The following PLCXD1 variants were observed in gnomAD, a reference collection of about 807,000 sequenced individuals.
PLCXD1 encodes the protein PI-PLC X domain-containing protein 1.
A neutral mutation model predicts 37.8 loss-of-function variants in PLCXD1; 45 were observed. That is an observed-to-expected ratio of 1.19 (90% CI 0.94 to 1.53). The LOEUF (loss-of-function observed/expected upper bound fraction) is 1.53, where lower values mean the gene tolerates loss of function less well. Ranked by LOEUF, PLCXD1 falls within the 40% of genes most tolerant of loss-of-function variation. PLCXD1 has a pLI of 0.00. For synonymous variants in PLCXD1, 246 were observed against 206.9 expected, an observed-to-expected ratio of 1.19 and a Z score of -1.62; for missense variants, 539 against 454.7, an observed-to-expected ratio of 1.19 and a Z score of -1.69.
At chrX:289,128 C>A (rs1243745147) in intron 3 of PLCXD1, among the ~76,000 whole-genome samples, 1 of 152,156 alleles carries the variant, frequency 6.6e-6, no homozygotes, top group East Asian at 1.9e-4. Context: ...ACTCTTCTTA[C>A]CCGGGCTGGA....
rs1355341200 is a variant in PLCXD1 at position 292,543 on chromosome X, A to G, written c.550-492A>G. Among the ~76,000 whole-genome samples, 4 of 152,238 alleles carry G rather than the reference A, an allele frequency of 2.6e-5. No homozygotes were observed. The East Asian group carries it at 7.7e-4, about 29-fold the overall frequency. ...GCCCAGGCTCGAATTCCTGGCCTCGAGTGATCCTCCCGCCGTGTCCTCCCA... is the reference window on the plus strand; with the variant it reads ...GCCCAGGCTCGAATTCCTGGCCTCGGGTGATCCTCCCGCCGTGTCCTCCCA... On this transcript the variant is annotated intron_variant, in intron 5 of 6. Coordinates refer to ENST00000381657, the MANE Select transcript of PLCXD1 (RefSeq NM_018390.4).
Position 288,743 on chromosome X carries a change from C to T in PLCXD1, c.138C>T (p.Asp46=), listed in dbSNP as rs745525089. The stretch of plus-strand genomic sequence containing the variant: ...GTGCTTTGCTCTCAGGGAGCCACGA[C>T]ACGATGACGTACTGCCTGAACAAGA... ...LHHLSIPGSH[D]TMTYCLNKKS... Residue 46 remains aspartate (D), a synonymous_variant, in exon 3 of 7, where the codon GAC becomes GAT. Coordinates refer to ENST00000381657, the MANE Select transcript of PLCXD1 (RefSeq NM_018390.4). 5 of 1,613,772 alleles carry T rather than the reference C, an allele frequency of 3.1e-6. No homozygotes were observed. In the East Asian group the frequency reaches 8.9e-5, roughly 29 times the overall value.
chrX:298,897 G>T (rs1380919205), intron 6 of PLCXD1, among the ~76,000 whole-genome samples, 200 bp from the exon 7 acceptor site: 1 of 152,104 alleles, frequency 6.6e-6, no homozygotes. Flanking sequence ...TCTCCCACAC[G>T]GTGTTACGAC....
chrX:289,510 C>CTTTTTTTT (rs1281823641), intron 3 of PLCXD1, among the ~76,000 whole-genome samples: 15 of 97,782 alleles, frequency 1.5e-4, no homozygotes, highest in South Asian at 2.6e-4. Context: ...CTTTTTCTTT[C>CTTTTTTTT]TTTTTCTTTT....
chrX:280,078 A>G (rs1434156995), upstream of PLCXD1, among the ~76,000 whole-genome samples: 2 of 152,084 alleles, frequency 1.3e-5, no homozygotes, highest in Non-Finnish European at 2.9e-5. Flanking sequence ...CGAACTCCTG[A>G]CCTCAGGTGA....
At chrX:292,933 T>C in intron 5 of PLCXD1, 102 bp from the exon 6 acceptor site, 1 of 764,864 alleles carries the variant, frequency 1.3e-6, no homozygotes, top group Admixed American at 2.7e-5. Flanking sequence ...TTTTGGTTTA[T>C]ACTCGTGTTG....
intron 4 of PLCXD1, among the ~76,000 whole-genome samples, chrX:291,002 G>A (rs1362477258): frequency 2.0e-5 from 3 of 150,752 alleles, no homozygotes; most frequent in Non-Finnish European, 4.4e-5. Context: ...GGGACGGCGG[G>A]AGGTGGCCAA....
At position 285,302 on chromosome X, in the gene PLCXD1, A is replaced by G. The variant is rs763787728; in HGVS notation, c.127+988A>G. Among the ~76,000 whole-genome samples, 4 of 152,232 alleles carry G rather than the reference A, an allele frequency of 2.6e-5. No individual in the cohort carries two copies. In the East Asian group the frequency reaches 7.7e-4, roughly 29 times the overall value. ...CTCATACACACATGGATGCACATAC[A>G]CATGCATGCACATGTGCGGGTGTGT... On this transcript the variant is annotated intron_variant, in intron 2 of 6. Coordinates refer to ENST00000381657, the MANE Select transcript of PLCXD1 (RefSeq NM_018390.4).
At chrX:287,191 G>A (rs28669292) in intron 2 of PLCXD1, among the ~76,000 whole-genome samples, 5,691 of 148,970 alleles carry the variant, frequency 0.038, 279 homozygotes, top group African/African-American at 0.12. Flanking sequence ...ACATTTATAT[G>A]TAAGTGTACA....
rs915874435 is a variant in PLCXD1 at position 301,769 on chromosome X, G to A, written c.*2434G>A. Reference sequence around the variant, plus strand: ...GCCTCCTGAGTAGCTGGGATTACAGGCGCCCGCCACCGCGCCTGGCTAACT... The same window carrying A: ...GCCTCCTGAGTAGCTGGGATTACAGACGCCCGCCACCGCGCCTGGCTAACT... On this transcript the variant is annotated 3_prime_UTR_variant, in exon 7 of 7. Coordinates refer to ENST00000381657, the MANE Select transcript of PLCXD1 (RefSeq NM_018390.4). 2.0e-5 allele frequency: 3 copies of A among 152,288 alleles called. No homozygotes were observed. The highest frequency in any genetic ancestry group is 7.2e-5 in the African/African-American group (3 of 41,442). 9.4% of individuals were successfully genotyped at this position (152,288 alleles called of 1,614,324 possible).
At chrX:277,309 T>C (rs1377366173), upstream of PLCXD1, among the ~76,000 whole-genome samples, 1 of 37,964 alleles carries the variant, frequency 2.6e-5, no homozygotes, top group African/African-American at 6.6e-5. Flanking sequence ...CCCTCAGTGG[T>C]CAGGGGACCT....
At chrX:283,878 CT>C (rs113086591) in intron 1 of PLCXD1, 98,445 of 191,682 alleles carry the variant, frequency 0.51, 24,512 homozygotes, top group African/African-American at 0.66. Context: ...CTCTCTCTCT[CT>C]TTTTTTTTTT....
chrX:279,848 G>A (rs1426162872), upstream of PLCXD1, among the ~76,000 whole-genome samples: 1 of 152,042 alleles, frequency 6.6e-6, no homozygotes, highest in Non-Finnish European at 1.5e-5. Context: ...AGGATGTGGA[G>A]ACGAAGGTTT....
intron 2 of PLCXD1, 98 bp from the exon 3 acceptor site, chrX:288,635 G>A: frequency 7.5e-7 from 1 of 1,327,084 alleles, no homozygotes; most frequent in Admixed American, 1.7e-5. Flanking sequence ...GCTGTGGGCG[G>A]GCAGCAGCCT....
intron 6 of PLCXD1, among the ~76,000 whole-genome samples, chrX:293,620 C>T (rs2069709225): frequency 6.6e-6 from 1 of 152,182 alleles, no homozygotes; most frequent in Non-Finnish European, 1.5e-5. Context: ...AGGGAGAAAG[C>T]AGTCCATGTA....
intron 5 of PLCXD1, 38 bp from the exon 6 acceptor site, chrX:292,997 C>T: frequency 6.7e-7 from 1 of 1,499,146 alleles, no homozygotes; most frequent in Non-Finnish European, 9.1e-7. Flanking sequence ...CCCGGCTCTC[C>T]TCTCTCCCCT....
rs2070001126 is a variant in PLCXD1, at chrX:300,996, C to A, written c.*1661C>A. ...GGGATGACAGGCATGAGCCACTGTG[C>A]CCAGCCGCCGATATTTCTTTAAATT... On this transcript the variant is annotated 3_prime_UTR_variant, in exon 7 of 7. Coordinates refer to ENST00000381657, the MANE Select transcript of PLCXD1 (RefSeq NM_018390.4). 6.6e-6 allele frequency: 1 copy of A among 151,996 alleles called. No homozygotes were observed. The highest frequency in any genetic ancestry group is 2.4e-5 in the African/African-American group (1 of 41,344). 9.4% of individuals were successfully genotyped at this position (151,996 alleles called of 1,614,324 possible).
chrX:287,022 C>G (rs2124338475), intron 2 of PLCXD1, among the ~76,000 whole-genome samples: 1 of 151,936 alleles, frequency 6.6e-6, no homozygotes, highest in East Asian at 1.9e-4. Context: ...TCACGTTCCT[C>G]AGGGGATTTA....
In PLCXD1 at chrX:284,185, CT is replaced by C; in HGVS notation, c.-2del. ...TCCTCAGGTTGCCCAGGGCTCACCTCTGATGGGTGGGCAGGTGAGCGCTTCC... is the reference window on the plus strand; with the variant it reads ...TCCTCAGGTTGCCCAGGGCTCACCTCGATGGGTGGGCAGGTGAGCGCTTCC... On this transcript the variant is annotated 5_prime_UTR_variant, in exon 2 of 7. Transcript: ENST00000381657. The C allele has an allele frequency of 6.2e-7, 1 of 1,613,066 alleles. No homozygotes were observed. The highest frequency in any genetic ancestry group is 8.5e-7 in the Non-Finnish European group (1 of 1,179,714).
Sources: gnomAD v4.1 joint callset for allele counts (sites outside exome capture counted in the v4.1 genomes callset) on GRCh38, gnomAD v4.1.1 for gene constraint, MANE v1.5 for transcripts, NCBI Gene and HGNC (gene_info 2026-07-23, HGNC 2026-07-21) for gene names.